Variants in ADAMTS16 observed in about 807,000 individuals in gnomAD.
ADAMTS16 encodes the protein ADAM metallopeptidase with thrombospondin type 1 motif 16.
A neutral mutation model predicts 145.8 loss-of-function variants in ADAMTS16; 94 were observed. The ratio of observed to expected loss-of-function variants is 0.64; its 90% CI spans 0.55 to 0.77. The LOEUF is 0.77. Ranked by LOEUF, ADAMTS16 falls within the 30% of genes least tolerant of loss-of-function variation. The pLI, the probability that ADAMTS16 is intolerant of heterozygous loss-of-function variation, is 0.00. For synonymous variants in ADAMTS16, 659 were observed against 604.3 expected (o/e 1.09, Z -1.33); for missense variants, 1,585 against 1,591.5 (o/e 1.00, Z 0.07).
chr5:5,230,605 ACTATTTCC>A (rs1278687790), intron 11 of ADAMTS16, among the ~76,000 whole-genome samples: 2 of 152,230 alleles, frequency 1.3e-5, no homozygotes, highest in African/African-American at 2.4e-5. Context: ...GGGCTCCTGT[ACTATTTCC>A]TCTACTTGTG....
chr5:5,266,202 T>C (rs1220688045), intron 18 of ADAMTS16, among the ~76,000 whole-genome samples: 4 of 152,158 alleles, frequency 2.6e-5, no homozygotes, highest in Admixed American at 2.6e-4. Flanking sequence ...GTCTACTCTG[T>C]GAAGCCCATC....
At chr5:5,179,786 C>T (rs1393474439) in intron 3 of ADAMTS16, among the ~76,000 whole-genome samples, 4 of 152,094 alleles carry the variant, frequency 2.6e-5, no homozygotes, top group African/African-American at 7.2e-5. Context: ...TATTTGGGCC[C>T]CAGGAGGTCT....
chr5:5,204,314 A>G (rs1736033907), intron 9 of ADAMTS16, among the ~76,000 whole-genome samples: 2 of 152,232 alleles, frequency 1.3e-5, no homozygotes, highest in South Asian at 4.1e-4. Context: ...TGTGTTCATT[A>G]ACATTATTTT....
At chr5:5,292,687 G>A (rs1182503333) in intron 18 of ADAMTS16, among the ~76,000 whole-genome samples, 1 of 152,032 alleles carries the variant, frequency 6.6e-6, no homozygotes, top group Non-Finnish European at 1.5e-5. Flanking sequence ...CTCCTCCAGT[G>A]TCTTCACGGG....
intron 17 of ADAMTS16, among the ~76,000 whole-genome samples, chr5:5,247,408 A>G (rs1737480449): frequency 6.6e-6 from 1 of 152,164 alleles, no homozygotes; most frequent in African/African-American, 2.4e-5. Flanking sequence ...AGAAAAACAA[A>G]GGTTTGTTTC....
At position 5,235,204 on chromosome 5, in the gene ADAMTS16, T is replaced by C. The variant is rs765240888; in HGVS notation, c.2023+18T>C. Reference sequence around the variant, plus strand: ...AGTAGAAGGTAAATCTCAAACTGCTTTCGGGTAATAGCCTCATGCTTTACT... The same window carrying C: ...AGTAGAAGGTAAATCTCAAACTGCTCTCGGGTAATAGCCTCATGCTTTACT... On this transcript the variant is annotated intron_variant, in intron 13 of 22. Coordinates refer to ENST00000274181, the MANE Select transcript of ADAMTS16 (RefSeq NM_139056.4). 6.5e-7 allele frequency: 1 copy of C among 1,549,030 alleles called. No homozygotes were observed. Among genetic ancestry groups the C allele is most frequent in the Non-Finnish European group, 8.8e-7 (1 of 1,135,430 alleles).
intron 8 of ADAMTS16, among the ~76,000 whole-genome samples, chr5:5,192,360 G>T (rs1735685002): frequency 6.6e-6 from 1 of 152,114 alleles, no homozygotes; most frequent in Admixed American, 6.5e-5. Flanking sequence ...CTCATTCCAT[G>T]GTTAGCTGCT....
Position 5,246,122 on chromosome 5 carries a change from A to T in ADAMTS16, c.2662+3931A>T, listed in dbSNP as rs963839039. 1.1e-4 allele frequency among the ~76,000 whole-genome samples: 17 copies of T among 152,338 alleles called. No individual in the cohort carries two copies. In the East Asian group the frequency reaches 3.3e-3, roughly 29 times the overall value. ...AACATCAGTTTTTTCTCAAAATTATATACGCTGTCATCTTTTAAAGTCAGT... is the reference window on the plus strand; with the variant it reads ...AACATCAGTTTTTTCTCAAAATTATTTACGCTGTCATCTTTTAAAGTCAGT... On this transcript the variant is annotated intron_variant, in intron 17 of 22. Coordinates refer to ENST00000274181, the MANE Select transcript of ADAMTS16 (RefSeq NM_139056.4).
intron 18 of ADAMTS16, among the ~76,000 whole-genome samples, chr5:5,286,528 A>G (rs1302729503): frequency 6.6e-6 from 1 of 152,230 alleles, no homozygotes; most frequent in African/African-American, 2.4e-5. Context: ...CTAATTATTT[A>G]GCTGACTAAA....
Position 5,146,192 on chromosome 5 carries a change from A to G in ADAMTS16, c.238A>G (p.Met80Val). ...GGGCGATTACGTGTCCCATGAAATC[A>G]TGCACCATCAGCGGCGGAGAAGAGC... is the stretch of plus-strand genomic sequence containing the variant. ...HRGDYVSHEI[M>V]HHQRRRRAVP... Residue 80 changes from methionine (M) to valine (V), a missense_variant, in exon 3 of 23, where the codon ATG becomes GTG. Transcript: ENST00000274181. 1 of 1,614,206 alleles carries G rather than the reference A, an allele frequency of 6.2e-7. No homozygotes were observed. The highest frequency in any genetic ancestry group is 2.2e-5 in the East Asian group (1 of 44,882).
At chr5:5,306,831 C>A in intron 21 of ADAMTS16, 103 bp downstream of exon 21, 3 of 1,174,840 alleles carry the variant, frequency 2.6e-6, no homozygotes, top group South Asian at 1.6e-5. Flanking sequence ...TTCCCCAAAG[C>A]TGGCCAAGCT....
intron 18 of ADAMTS16, among the ~76,000 whole-genome samples, chr5:5,281,242 A>G (rs2126471744): frequency 6.6e-6 from 1 of 152,332 alleles, no homozygotes; most frequent in South Asian, 2.1e-4. Flanking sequence ...TAAGTTACAT[A>G]AGCTCCAGGC....
chr5:5,225,828 A>C (rs1404926206), intron 11 of ADAMTS16, among the ~76,000 whole-genome samples: 1 of 152,206 alleles, frequency 6.6e-6, no homozygotes, highest in East Asian at 1.9e-4. Context: ...GATGAATTTT[A>C]GTCTTGTCTT....
chr5:5,308,440 A>G (rs1434810054), intron 21 of ADAMTS16, among the ~76,000 whole-genome samples: 1 of 152,004 alleles, frequency 6.6e-6, no homozygotes, highest in Non-Finnish European at 1.5e-5. Flanking sequence ...CTTCAGGCCA[A>G]CCTGTTCTGG....
intron 11 of ADAMTS16, among the ~76,000 whole-genome samples, chr5:5,230,951 A>C (rs1214123733): frequency 6.6e-6 from 1 of 152,128 alleles, no homozygotes; most frequent in Non-Finnish European, 1.5e-5. Flanking sequence ...TTGAAATTCC[A>C]TTTTTATGTT....
At chr5:5,205,339 G>A (rs908728087) in intron 9 of ADAMTS16, among the ~76,000 whole-genome samples, 1 of 150,042 alleles carries the variant, frequency 6.7e-6, no homozygotes, top group Non-Finnish European at 1.5e-5. Flanking sequence ...AGCTCTACTT[G>A]TCCCAAAGTT....
intron 9 of ADAMTS16, among the ~76,000 whole-genome samples, chr5:5,207,499 A>G (rs1031016761): frequency 3.3e-5 from 5 of 152,088 alleles, no homozygotes; most frequent in African/African-American, 1.2e-4. Flanking sequence ...AGTTTTATTT[A>G]TTCTTTTCCA....
intron 17 of ADAMTS16, among the ~76,000 whole-genome samples, chr5:5,245,379 A>G (rs1737409950): frequency 6.6e-6 from 1 of 152,192 alleles, no homozygotes; most frequent in African/African-American, 2.4e-5. Context: ...ATGAGCAATA[A>G]CCTTTGATTA....
intron 18 of ADAMTS16, among the ~76,000 whole-genome samples, chr5:5,285,808 C>A (rs1360811089): frequency 1.3e-5 from 2 of 152,162 alleles, no homozygotes; most frequent in South Asian, 2.1e-4. Flanking sequence ...ACACAACAAA[C>A]CATATATTAG....
Sources: gnomAD v4.1 joint callset for allele counts (sites outside exome capture counted in the v4.1 genomes callset) on GRCh38, gnomAD v4.1.1 for gene constraint, MANE v1.5 for transcripts, NCBI Gene and HGNC (gene_info 2026-07-23, HGNC 2026-07-21) for gene names.